SPMIP4: variants seen among roughly 807,000 people sequenced by gnomAD.
The protein encoded by SPMIP4 is sperm-associated microtubule inner protein 4.
chr7:25,135,195 T>A, the SPMIP4 span: 102 of 540,486 alleles, frequency 1.9e-4, no homozygotes, highest in Non-Finnish European at 2.2e-4. Context: ...CTGTAATAAC[T>A]GATACCAAGC....
chr7:25,168,370 T>C, the SPMIP4 span: 1 of 1,613,532 alleles, frequency 6.2e-7, no homozygotes, highest in Non-Finnish European at 8.5e-7. Context: ...TGGCCTGTGG[T>C]CCTCGGGGAG....
chr7:25,152,699 TTC>T, the SPMIP4 span, among the ~76,000 whole-genome samples: 3 of 151,122 alleles, frequency 2.0e-5, no homozygotes, highest in Admixed American at 6.6e-5. Flanking sequence ...CCCTTCCTCT[TTC>T]TCTCTCTCTT....
chr7:25,148,303 G>A, the SPMIP4 span, among the ~76,000 whole-genome samples: 1 of 152,080 alleles, frequency 6.6e-6, no homozygotes, highest in African/African-American at 2.4e-5. Context: ...GCCTGGTGTG[G>A]TCGTGCACAG....
At chr7:25,158,563 A>G in the SPMIP4 span, 6 of 1,585,374 alleles carry the variant, frequency 3.8e-6, no homozygotes, top group East Asian at 1.3e-4. Context: ...GTTCTAACTT[A>G]TATTGAGGGC....
chr7:25,154,815 C>A, the SPMIP4 span, among the ~76,000 whole-genome samples: 2 of 152,162 alleles, frequency 1.3e-5, no homozygotes, highest in East Asian at 3.8e-4. Context: ...TTGGGAGCAC[C>A]TGCAGAGAGT....
At chr7:25,166,941 T>C in the SPMIP4 span, among the ~76,000 whole-genome samples, 2 of 152,166 alleles carry the variant, frequency 1.3e-5, no homozygotes, top group Non-Finnish European at 2.9e-5. Flanking sequence ...GCATTCTAAG[T>C]GGAACAAGTA....
At chr7:25,126,139 T>C in the SPMIP4 span, among the ~76,000 whole-genome samples, 2 of 152,178 alleles carry the variant, frequency 1.3e-5, no homozygotes, top group African/African-American at 4.8e-5. Flanking sequence ...AAACGGTCTA[T>C]CCATCACCTC....
chr7:25,157,896 G>C, the SPMIP4 span, among the ~76,000 whole-genome samples: 3 of 152,230 alleles, frequency 2.0e-5, no homozygotes, highest in African/African-American at 7.2e-5. Flanking sequence ...GTTAACAATA[G>C]GGGAAGCTGC....
chr7:25,166,685 G>A, the SPMIP4 span, among the ~76,000 whole-genome samples: 6 of 151,642 alleles, frequency 4.0e-5, no homozygotes, highest in East Asian at 2.0e-4. Context: ...TCGGGAGTTC[G>A]AGACCTGCCT....
the SPMIP4 span, among the ~76,000 whole-genome samples, chr7:25,131,271 C>T: frequency 6.6e-6 from 1 of 152,202 alleles, no homozygotes; most frequent in Non-Finnish European, 1.5e-5. This position sits in a 1 kb window ranked among gnomAD's most constrained non-coding sequence, Gnocchi z 4.2. Flanking sequence ...AAGCTCAGGG[C>T]TCCCACTGAT....
At chr7:25,170,249 G>A in the SPMIP4 span, among the ~76,000 whole-genome samples, 2 of 152,192 alleles carry the variant, frequency 1.3e-5, no homozygotes, top group Non-Finnish European at 2.9e-5. Context: ...TAGTGGATGT[G>A]AAGTGGTATC....
chr7:25,178,182 CCAT>C, the SPMIP4 span, among the ~76,000 whole-genome samples: 1 of 152,128 alleles, frequency 6.6e-6, no homozygotes, highest in Non-Finnish European at 1.5e-5. Context: ...TGTATATGTA[CCAT>C]GTTTTCTTTA....
the SPMIP4 span, chr7:25,142,623 T>C: frequency 1.3e-6 from 2 of 1,589,022 alleles, no homozygotes; most frequent in East Asian, 2.2e-5. Flanking sequence ...TTTACTTGTA[T>C]GAAAGTGAAC....
At chr7:25,158,519 G>A in the SPMIP4 span, 21 of 1,610,146 alleles carry the variant, frequency 1.3e-5, no homozygotes, top group Admixed American at 6.7e-5. Context: ...TGAATTAGGC[G>A]GCTTGGGTAT....
the SPMIP4 span, among the ~76,000 whole-genome samples, chr7:25,167,693 A>G: frequency 6.6e-6 from 1 of 152,250 alleles, no homozygotes; most frequent in Admixed American, 6.5e-5. Flanking sequence ...CCAGATAATC[A>G]GGATTGTTAG....
chr7:25,173,328 C>T, the SPMIP4 span, among the ~76,000 whole-genome samples: 2 of 152,192 alleles, frequency 1.3e-5, no homozygotes, highest in African/African-American at 4.8e-5. This position sits in a 1 kb window ranked among gnomAD's most constrained non-coding sequence, Gnocchi z 4.4. Context: ...AAAGCATGGC[C>T]CATGGGCCAA....
chr7:25,155,622 T>C, the SPMIP4 span, among the ~76,000 whole-genome samples: 11 of 152,214 alleles, frequency 7.2e-5, no homozygotes, highest in African/African-American at 2.7e-4. Flanking sequence ...TAACCATCTT[T>C]GAATGAACTT....
At chr7:25,152,916 G>A in the SPMIP4 span, among the ~76,000 whole-genome samples, 2 of 151,770 alleles carry the variant, frequency 1.3e-5, no homozygotes, top group African/African-American at 4.8e-5. Flanking sequence ...GCTAATTTTT[G>A]TAGTTTTACT....
At chr7:25,162,689 T>C in the SPMIP4 span, among the ~76,000 whole-genome samples, 174 of 152,316 alleles carry the variant, frequency 1.1e-3, 1 homozygote, top group Admixed American at 2.8e-3. Context: ...CATGACAATA[T>C]AAATCATTTG....
Sources: allele counts gnomAD v4.1 joint callset (sites outside exome capture counted in the v4.1 genomes callset), GRCh38; gene constraint gnomAD v4.1.1; non-coding constraint Gnocchi (gnomAD v3.1); transcripts MANE v1.5; gene names NCBI Gene and HGNC (gene_info 2026-07-23, HGNC 2026-07-21).